The following BNC2 variants were observed in gnomAD, a reference collection of about 807,000 sequenced individuals.
BNC2 encodes the protein basonuclin zinc finger protein 2, also known as zinc finger protein basonuclin-2.
BNC2 carries 20 observed loss-of-function variants against 76.3 expected under a neutral mutation model. The observed-to-expected ratio is 0.26, with a 90% CI of 0.18 to 0.38. The LOEUF is 0.38. Among genes scored for constraint, BNC2 ranks in the 10% least tolerant of loss-of-function variants. The pLI is 1.00. For synonymous variants in BNC2, 582 were observed against 514.8 expected (o/e 1.13, Z -1.77); for missense variants, 1,382 against 1,399.8 (o/e 0.99, Z 0.20).
At chr9:16,695,069 A>G (rs966433406) in intron 3 of BNC2, among the ~76,000 whole-genome samples, 1 of 152,210 alleles carries the variant, frequency 6.6e-6, no homozygotes, top group Non-Finnish European at 1.5e-5. Flanking sequence ...GAATCTTATG[A>G]AAATATTTTT....
At chr9:16,439,213 G>C (rs927736078) in intron 5 of BNC2, among the ~76,000 whole-genome samples, 3 of 151,960 alleles carry the variant, frequency 2.0e-5, no homozygotes, top group African/African-American at 7.3e-5. Context: ...CCCAGTCTTG[G>C]GTATGTCTTT....
At chr9:16,855,286 T>C (rs767189751) in intron 1 of BNC2, among the ~76,000 whole-genome samples, 1 of 152,200 alleles carries the variant, frequency 6.6e-6, no homozygotes, top group Non-Finnish European at 1.5e-5. Flanking sequence ...GGTTAATTCT[T>C]TTAAGATAAT....
At chr9:16,795,000 C>A (rs1343534381) in intron 1 of BNC2, among the ~76,000 whole-genome samples, 1 of 152,136 alleles carries the variant, frequency 6.6e-6, no homozygotes, top group Admixed American at 6.5e-5. Context: ...TCCATGCCCA[C>A]GAACAGCCCA....
At chr9:16,722,201 T>C (rs74514541) in intron 3 of BNC2, among the ~76,000 whole-genome samples, 1,924 of 152,302 alleles carry the variant, frequency 0.013, 34 homozygotes, top group African/African-American at 0.043. Context: ...CTGGCAAACT[T>C]GAATGCTTTC....
chr9:16,698,694 C>CAA (rs374121211), intron 3 of BNC2, among the ~76,000 whole-genome samples: 1 of 143,862 alleles, frequency 7.0e-6, no homozygotes, highest in African/African-American at 2.6e-5. Flanking sequence ...AACTCCATCT[C>CAA]AAAAAAAAAA....
At chr9:16,584,448 A>C (rs777217112) in intron 3 of BNC2, among the ~76,000 whole-genome samples, 2 of 152,138 alleles carry the variant, frequency 1.3e-5, no homozygotes, top group Non-Finnish European at 2.9e-5. Context: ...CTCTTCCATT[A>C]ATTAATATTA....
intron 3 of BNC2, among the ~76,000 whole-genome samples, chr9:16,677,976 A>G (rs1037129262): frequency 6.6e-6 from 1 of 152,182 alleles, no homozygotes; most frequent in Admixed American, 6.6e-5. Flanking sequence ...GAAAACCAAC[A>G]TTATAAATGA....
At chr9:16,576,930 G>T (rs186768324) in intron 4 of BNC2, among the ~76,000 whole-genome samples, 2 of 152,242 alleles carry the variant, frequency 1.3e-5, no homozygotes, top group African/African-American at 4.8e-5. Context: ...TAGAGACGGG[G>T]TTTCACCATG....
At chr9:16,774,002 G>C (rs1433564145) in intron 1 of BNC2, among the ~76,000 whole-genome samples, 1 of 152,036 alleles carries the variant, frequency 6.6e-6, no homozygotes, top group African/African-American at 2.4e-5. Flanking sequence ...TGTTTTTAAA[G>C]ACACAGTCTC....
intron 1 of BNC2, among the ~76,000 whole-genome samples, chr9:16,766,868 T>A (rs539886130): frequency 1.3e-5 from 2 of 151,966 alleles, no homozygotes; most frequent in Non-Finnish European, 2.9e-5. Flanking sequence ...TGGCTGGAGG[T>A]TGCCCTCCCC....
chr9:16,539,561 G>A (rs1205692252), intron 5 of BNC2, among the ~76,000 whole-genome samples: 5 of 134,134 alleles, frequency 3.7e-5, no homozygotes, highest in Non-Finnish European at 6.3e-5. Context: ...GAGGGGGAGG[G>A]GGAGAGAGAG....
intron 6 of BNC2, chr9:16,429,981 A>G (rs1327490845): frequency 3.9e-6 from 2 of 515,290 alleles, no homozygotes; most frequent in South Asian, 2.8e-5. Context: ...CGTTTTGCTC[A>G]TTGCTCTTCT....
intron 3 of BNC2, among the ~76,000 whole-genome samples, chr9:16,595,381 C>T (rs929800634): frequency 6.6e-6 from 1 of 152,004 alleles, no homozygotes; most frequent in East Asian, 1.9e-4. Flanking sequence ...TCTATGTGCC[C>T]CCTTATACGT....
chr9:16,574,357 C>A (rs1007584831), intron 4 of BNC2, among the ~76,000 whole-genome samples: 1 of 152,154 alleles, frequency 6.6e-6, no homozygotes, highest in African/African-American at 2.4e-5. Context: ...CTTAATCCTA[C>A]CTAAAATTCA....
At chr9:16,419,818 G>C (rs1040861004) in intron 6 of BNC2, among the ~76,000 whole-genome samples, 169 bp from the exon 7 acceptor site, 6 of 152,130 alleles carry the variant, frequency 3.9e-5, no homozygotes, top group African/African-American at 1.4e-4. Context: ...TCAGGATCTG[G>C]GAGTTAGTGG....
intron 2 of BNC2, among the ~76,000 whole-genome samples, chr9:16,732,843 G>T (rs558287716): frequency 2.6e-5 from 4 of 152,248 alleles, no homozygotes; most frequent in Middle Eastern, 3.4e-3. Flanking sequence ...TCCTTATGGC[G>T]AAACAACTCA....
intron 1 of BNC2, 130 bp downstream of exon 1, chr9:16,870,516 G>T (rs1306436275): frequency 2.0e-6 from 2 of 987,478 alleles, no homozygotes; most frequent in Admixed American, 2.8e-5. Flanking sequence ...CCTCCTCAGC[G>T]CCCCTTGCCC....
At chr9:16,571,341 G>A (rs762282199) in intron 4 of BNC2, among the ~76,000 whole-genome samples, 4 of 152,266 alleles carry the variant, frequency 2.6e-5, no homozygotes, top group African/African-American at 9.6e-5. Flanking sequence ...TTTTGTAAGA[G>A]AGAAAAGGTT....
chr9:16,738,517 T>A, intron 1 of BNC2, 32 bp from the exon 2 acceptor site: 1 of 1,611,812 alleles, frequency 6.2e-7, no homozygotes, highest in Non-Finnish European at 8.5e-7. Flanking sequence ...AAATTACATA[T>A]GCCCAGACAG....
Sources: gnomAD v4.1 joint callset for allele counts (sites outside exome capture counted in the v4.1 genomes callset) on GRCh38, gnomAD v4.1.1 for gene constraint, MANE v1.5 for transcripts, NCBI Gene and HGNC (gene_info 2026-07-23, HGNC 2026-07-21) for gene names.